KALRN: variants seen among roughly 807,000 people sequenced by gnomAD.
KALRN encodes the protein kalirin RhoGEF kinase.
A neutral mutation model predicts 353.7 loss-of-function variants in KALRN; 70 were observed. That is an observed-to-expected ratio of 0.20 (90% CI 0.16 to 0.24). KALRN has a LOEUF of 0.24. KALRN is among the 10% of genes least tolerant of loss of function. KALRN has a pLI of 1.00. For missense variants in KALRN, 2,791 were observed against 3,756.7 expected, an observed-to-expected ratio of 0.74 and a Z score of 6.72; for synonymous variants, 1,391 against 1,434.8, an observed-to-expected ratio of 0.97 and a Z score of 0.69.
intron 36 of KALRN, among the ~76,000 whole-genome samples, chr3:124,635,223 TTGAGATGGAAATGAGACC>T (rs2081229321): frequency 6.6e-6 from 1 of 152,190 alleles, no homozygotes; most frequent in Non-Finnish European, 1.5e-5. Flanking sequence ...GTGCTTCACC[TTGAGATGGAAATGAGACC>T]TGCCTACTTG....
chr3:124,712,698 A>T (rs2062950840), intron 57 of KALRN, among the ~76,000 whole-genome samples: 1 of 149,342 alleles, frequency 6.7e-6, no homozygotes, highest in South Asian at 2.1e-4. Flanking sequence ...ATAAAAATAT[A>T]ATTTATAATG....
chr3:124,126,703 C>T (rs1050429729), intron 1 of KALRN, among the ~76,000 whole-genome samples: 2 of 152,202 alleles, frequency 1.3e-5, no homozygotes, highest in African/African-American at 2.4e-5. Context: ...AACTCATGTA[C>T]AGTTTCTTGT....
intron 14 of KALRN, among the ~76,000 whole-genome samples, chr3:124,420,113 A>G (rs1193787016): frequency 2.6e-5 from 4 of 152,222 alleles, no homozygotes; most frequent in Admixed American, 6.5e-5. Flanking sequence ...CAGAGGTGCA[A>G]TAAGCACTGT....
At chr3:124,261,063 A>ATTTT (rs2072793154) in intron 3 of KALRN, among the ~76,000 whole-genome samples, 1 of 109,390 alleles carries the variant, frequency 9.1e-6, no homozygotes, top group Non-Finnish European at 2.0e-5. Context: ...TTTTTTTTGT[A>ATTTT]TTTTTGAGTA....
In KALRN at chr3:124,717,389, A is replaced by G. The variant is rs1228804512; in HGVS notation, c.8415+4A>G. 20 of 1,589,680 alleles carry G rather than the reference A, an allele frequency of 1.3e-5. No homozygotes were observed. Among genetic ancestry groups the G allele is most frequent in the Non-Finnish European group, 1.6e-5 (19 of 1,167,828 alleles). ...GGTTGCACATTTGGACATAAAGGTA[A>G]TAAGAAGTGGCAACCTGCTGGGCGC... is the stretch of plus-strand genomic sequence containing the variant. On this transcript the variant is annotated splice_donor_region_variant and intron_variant, in intron 59 of 59. Coordinates refer to ENST00000682506, the MANE Select transcript of KALRN (RefSeq NM_001388419.1).
chr3:124,615,216 A>C (rs2078436026), intron 34 of KALRN, among the ~76,000 whole-genome samples: 5 of 152,210 alleles, frequency 3.3e-5, no homozygotes, highest in Admixed American at 6.5e-5. Flanking sequence ...CATTTTTGGG[A>C]TATTCCTACC....
intron 14 of KALRN, among the ~76,000 whole-genome samples, chr3:124,419,922 ACT>A (rs2092700516): frequency 6.6e-6 from 1 of 152,114 alleles, no homozygotes; most frequent in South Asian, 2.1e-4. Context: ...ACACAAGCAA[ACT>A]CTGCCTGCTG....
At chr3:124,658,620 C>T in intron 42 of KALRN, 103 bp downstream of exon 42, 1 of 842,848 alleles carries the variant, frequency 1.2e-6, no homozygotes, top group Non-Finnish European at 2.0e-6. Context: ...GTGACCCCCA[C>T]ACAGCACCGT....
At chr3:124,649,102 A>G (rs1260620421) in intron 37 of KALRN, among the ~76,000 whole-genome samples, 2 of 152,132 alleles carry the variant, frequency 1.3e-5, no homozygotes, top group Non-Finnish European at 2.9e-5. Flanking sequence ...AGCCCTTGGC[A>G]CATTTTGTCA....
chr3:124,574,948 C>T (rs891958565), intron 34 of KALRN, among the ~76,000 whole-genome samples: 12 of 152,338 alleles, frequency 7.9e-5, no homozygotes, highest in African/African-American at 2.2e-4. Flanking sequence ...CTCCTCTCAC[C>T]GCCACACTGC....
At chr3:124,558,377 G>T (rs1287526883) in intron 33 of KALRN, among the ~76,000 whole-genome samples, 1 of 151,794 alleles carries the variant, frequency 6.6e-6, no homozygotes, top group Non-Finnish European at 1.5e-5. Flanking sequence ...TCCCAGGTTT[G>T]TGCAATTCTC....
chr3:124,471,409 C>A (rs1169089886), intron 25 of KALRN, among the ~76,000 whole-genome samples: 1 of 151,886 alleles, frequency 6.6e-6, no homozygotes, highest in Non-Finnish European at 1.5e-5. Flanking sequence ...CCTCAGCCTC[C>A]TGAGTAGCTG....
At chr3:124,446,326 A>G (rs1577006072) in intron 20 of KALRN, 50 bp downstream of exon 20, 1 of 1,362,124 alleles carries the variant, frequency 7.3e-7, no homozygotes, top group South Asian at 1.2e-5. Context: ...GAGCATACAG[A>G]GGCCCATCAC....
At chr3:124,118,239 C>T (rs1000106231) in intron 1 of KALRN, among the ~76,000 whole-genome samples, 12 of 151,860 alleles carry the variant, frequency 7.9e-5, no homozygotes, top group East Asian at 1.9e-4. Context: ...TGGTGGGACT[C>T]GCAGCTGGGG....
intron 10 of KALRN, among the ~76,000 whole-genome samples, chr3:124,348,878 C>G (rs1205509434): frequency 2.6e-5 from 4 of 151,976 alleles, no homozygotes; most frequent in Non-Finnish European, 5.9e-5. Context: ...CCACCACACC[C>G]GGCTAATTTT....
At chr3:124,309,723 C>G (rs2078061926) in intron 6 of KALRN, among the ~76,000 whole-genome samples, 1 of 151,270 alleles carries the variant, frequency 6.6e-6, no homozygotes, top group Non-Finnish European at 1.5e-5. Context: ...AAGCATTTGA[C>G]AAAATCCAAC....
At chr3:124,303,628 T>C (rs2077440255) in intron 6 of KALRN, among the ~76,000 whole-genome samples, 1 of 152,196 alleles carries the variant, frequency 6.6e-6, no homozygotes. Flanking sequence ...AGCTGGTTCT[T>C]TGGGAAAAAT....
intron 1 of KALRN, among the ~76,000 whole-genome samples, chr3:124,225,044 A>T (rs967626143): frequency 6.6e-6 from 1 of 152,198 alleles, no homozygotes; most frequent in African/African-American, 2.4e-5. Context: ...TAGTGAAAAC[A>T]TGTTGCTATT....
chr3:124,392,453 G>C (rs1170131477), intron 11 of KALRN, among the ~76,000 whole-genome samples: 3 of 151,742 alleles, frequency 2.0e-5, no homozygotes, highest in Non-Finnish European at 2.9e-5. Context: ...CCATTTTACT[G>C]ATAAAGAAAG....
Sources: gnomAD v4.1 joint callset for allele counts (sites outside exome capture counted in the v4.1 genomes callset) on GRCh38, gnomAD v4.1.1 for gene constraint, MANE v1.5 for transcripts, NCBI Gene and HGNC (gene_info 2026-07-23, HGNC 2026-07-21) for gene names.